The following RAPGEFL1 variants were observed in gnomAD, a reference collection of about 807,000 sequenced individuals.
RAPGEFL1 encodes the protein Rap guanine nucleotide exchange factor like 1, also known as rap guanine nucleotide exchange factor-like 1.
Under a neutral mutation model 64.4 loss-of-function variants are expected in RAPGEFL1, and 31 were observed. The ratio of observed to expected loss-of-function variants is 0.48; its 90% CI spans 0.36 to 0.65. RAPGEFL1 has a LOEUF of 0.65. Among genes scored for constraint, RAPGEFL1 ranks in the 30% least tolerant of loss-of-function variants. The probability of loss-of-function intolerance (pLI) is 0.00; values close to 1 mark genes in which losing one functional copy is unlikely to be tolerated. For synonymous variants in RAPGEFL1, 331 were observed against 274.1 expected (o/e 1.21, Z -2.05); for missense variants, 682 against 677.4 (o/e 1.01, Z -0.08).
At chr17:40,190,790 G>T (rs766439773) in intron 8 of RAPGEFL1, 28 bp downstream of exon 8, 2 of 1,611,506 alleles carry the variant, frequency 1.2e-6, no homozygotes, top group Non-Finnish European at 8.5e-7. Flanking sequence ...TGCTATGCTG[G>T]GGGGCTGGAG....
chr17:40,185,490 G>A (rs1990034613), intron 4 of RAPGEFL1, among the ~76,000 whole-genome samples: 1 of 142,064 alleles, frequency 7.0e-6, no homozygotes, highest in Admixed American at 7.4e-5. Context: ...GACCAGCCTG[G>A]CTAACATTGT....
At chr17:40,192,720 C>A (rs761593980) in intron 12 of RAPGEFL1, 27 bp downstream of exon 12, 2 of 1,587,564 alleles carry the variant, frequency 1.3e-6, no homozygotes, top group Non-Finnish European at 1.7e-6. Context: ...CAAGCTGTGC[C>A]GCTTCCACCC....
Position 40,193,914 on chromosome 17 carries a change from T to C in RAPGEFL1, c.*126T>C. 1 of 1,316,666 alleles carries C rather than the reference T, an allele frequency of 7.6e-7. No homozygotes were observed. Among genetic ancestry groups the C allele is most frequent in the Non-Finnish European group, 1.0e-6 (1 of 966,670 alleles). The allele number at this position is 1,316,666 out of a possible 1,614,324, so 81.6% of individuals were successfully genotyped here. On this transcript the variant is annotated 3_prime_UTR_variant, in exon 15 of 15. Coordinates refer to ENST00000620260, the MANE Select transcript of RAPGEFL1 (RefSeq NM_016339.6). Reference sequence around the variant, plus strand: ...AACTTCCTGCTCCACGGGAAAGAGGTCGATGGATTTACCCCTGGACCCATA... The same window carrying C: ...AACTTCCTGCTCCACGGGAAAGAGGCCGATGGATTTACCCCTGGACCCATA...
chr17:40,181,409 A>C, intron 1 of RAPGEFL1: 2 of 614,304 alleles, frequency 3.3e-6, no homozygotes, highest in Non-Finnish European at 3.0e-6. Flanking sequence ...CTGCCTTGGC[A>C]GCTGCCGAAC....
At position 40,186,493 on chromosome 17, in the gene RAPGEFL1, G is replaced by A. The variant is rs1411794612; in HGVS notation, c.833+1815G>A. On this transcript the variant is annotated intron_variant, in intron 4 of 14. Coordinates refer to ENST00000620260, the MANE Select transcript of RAPGEFL1 (RefSeq NM_016339.6). ...TGAGGCAGGAGAATGGCGTGAACCC[G>A]GGAAGCGGAGTTTGCAGTGAGCCGA... Among the ~76,000 whole-genome samples, 8 of 141,340 alleles carry A rather than the reference G, an allele frequency of 5.7e-5. No homozygotes were observed. The East Asian group carries it at 6.7e-4, about 12-fold the overall frequency. 92.7% of individuals were successfully genotyped at this position (141,340 alleles called of 152,430 possible). A position where few individuals can be genotyped will look rare whatever the true frequency, so the allele number is the denominator to read the frequency against.
chr17:40,190,907 C>A, intron 8 of RAPGEFL1, 145 bp downstream of exon 8: 1 of 1,324,630 alleles, frequency 7.5e-7, no homozygotes, highest in Non-Finnish European at 1.0e-6. Flanking sequence ...TTTGTTCCCC[C>A]ATCTGAAAAA....
chr17:40,186,574 C>CAAAAAAAAAAA (rs146110920), intron 4 of RAPGEFL1, among the ~76,000 whole-genome samples: 2 of 26,288 alleles, frequency 7.6e-5, no homozygotes, highest in African/African-American at 1.9e-4. Flanking sequence ...GACTCCGTCT[C>CAAAAAAAAAAA]AAAAAAAAAA....
Position 40,180,307 on chromosome 17 carries a change from T to TC in RAPGEFL1, c.521-1305dup, listed in dbSNP as rs1989854418. On this transcript the variant is annotated intron_variant, in intron 1 of 14. Transcript: ENST00000620260. ...CTGGTGCCACACGCTCCGCTCATTC[T>TC]CCCCTGGGGTAAGACTCCTGAAATG... is the stretch of plus-strand genomic sequence containing the variant. Among the ~76,000 whole-genome samples, 9 of 152,150 alleles carry TC rather than the reference T, an allele frequency of 5.9e-5. No individual in the cohort carries two copies. In the South Asian group the frequency reaches 1.9e-3, roughly 32 times the overall value.
chr17:40,184,568 C>G lies in RAPGEFL1; in HGVS notation c.736-13C>G, dbSNP rs577532298. Reference sequence around the variant, plus strand: ...GACCCCTTCCTTCACCTTCTTTGTCCTCCTCTCTCCAGGATCTATACCTGC... The same window carrying G: ...GACCCCTTCCTTCACCTTCTTTGTCGTCCTCTCTCCAGGATCTATACCTGC... On this transcript the variant is annotated splice_polypyrimidine_tract_variant and intron_variant, in intron 3 of 14. Transcript: ENST00000620260. 1.9e-5 allele frequency: 28 copies of G among 1,469,860 alleles called. No homozygotes were observed. The South Asian group carries it at 3.1e-4, about 16-fold the overall frequency. 91.1% of individuals were successfully genotyped at this position (1,469,860 alleles called of 1,614,324 possible).
chr17:40,189,140 T>C (rs568870515), intron 5 of RAPGEFL1, 68 bp from the exon 6 acceptor site: 3 of 1,554,884 alleles, frequency 1.9e-6, no homozygotes, highest in Non-Finnish European at 2.7e-6. Context: ...AGAGGCACCC[T>C]GGAGGAGACT....
chr17:40,188,320 C>A (rs1158266246), intron 4 of RAPGEFL1, among the ~76,000 whole-genome samples: 4 of 152,302 alleles, frequency 2.6e-5, no homozygotes, highest in African/African-American at 7.2e-5. Context: ...CTTCTTCCCC[C>A]ACACCAGCAT....
chr17:40,177,188 T>A (rs1269442138), upstream of RAPGEFL1: 1 of 702,576 alleles, frequency 1.4e-6, no homozygotes, highest in Non-Finnish European at 2.6e-6. Context: ...GGTACACAGG[T>A]AGGTGAGTGA....
intron 6 of RAPGEFL1, 56 bp downstream of exon 6, chr17:40,189,431 G>C (rs1990186283): frequency 1.3e-6 from 2 of 1,581,408 alleles, no homozygotes; most frequent in Admixed American, 1.7e-5. Context: ...CACAAGCTCA[G>C]GGCTCTGGGG....
At position 40,192,945 on chromosome 17, in the gene RAPGEFL1, A is replaced by G. The variant is rs773026951; in HGVS notation, c.1764A>G (p.Glu588=). The G allele has an allele frequency of 6.2e-7, 1 of 1,613,920 alleles. No individual in the cohort carries two copies. Among genetic ancestry groups the G allele is most frequent in the Non-Finnish European group, 8.5e-7 (1 of 1,179,826 alleles). The change falls in exon 13 of 15, where the codon GAA becomes GAG. Residue 588 remains glutamate (E), a synonymous_variant. Coordinates refer to ENST00000620260, the MANE Select transcript of RAPGEFL1 (RefSeq NM_016339.6). ...CCCTAGACCTGACTTTCCTGCACGA[A>G]GGGAGTAAGACCCTTGTAGATGGTT... is the stretch of plus-strand genomic sequence containing the variant. ...LILKDLTFLH[E]GSKTLVDGLV... is the part of the protein sequence containing the mutation.
Position 40,191,821 on chromosome 17 carries a change from C to T in RAPGEFL1, c.1605+149C>T. ...TTCTGGCATACGCAACCCCAGGGCG[C>T]ACAGCTTGGCTAATGGACCCTGTCT... On this transcript the variant is annotated intron_variant, in intron 10 of 14. Transcript: ENST00000620260. This position sits in a 1 kb window ranked among gnomAD's most constrained non-coding sequence, Gnocchi z 5.1. 1.3e-6 allele frequency: 1 copy of T among 777,596 alleles called. No homozygotes were observed. Among genetic ancestry groups the T allele is most frequent in the Non-Finnish European group, 2.1e-6 (1 of 474,940 alleles). The allele number at this position is 777,596 out of a possible 1,614,324, so 48.2% of individuals were successfully genotyped here.
In RAPGEFL1 at chr17:40,182,869, C is replaced by T. The variant is rs370048858; in HGVS notation, c.599+1175C>T. On this transcript the variant is annotated intron_variant, in intron 2 of 14. Coordinates refer to ENST00000620260, the MANE Select transcript of RAPGEFL1 (RefSeq NM_016339.6). The stretch of plus-strand genomic sequence containing the variant: ...GAGTAGAATGTTACAGGCTCCCAGC[C>T]AGGCACGGTGGCATATGACTTTAAT... 9.9e-5 allele frequency among the ~76,000 whole-genome samples: 15 copies of T among 152,258 alleles called. No individual in the cohort carries two copies. In the South Asian group the frequency reaches 2.9e-3, roughly 29 times the overall value.
intron 1 of RAPGEFL1, among the ~76,000 whole-genome samples, chr17:40,180,183 G>A (rs2032128139): frequency 6.6e-6 from 1 of 152,154 alleles, no homozygotes; most frequent in Non-Finnish European, 1.5e-5. Flanking sequence ...CTGAAGCTGG[G>A]GGTCAGAGCT....
intron 4 of RAPGEFL1, among the ~76,000 whole-genome samples, chr17:40,186,517 G>C (rs1209796893): frequency 1.4e-5 from 2 of 140,944 alleles, no homozygotes; most frequent in African/African-American, 5.2e-5. Flanking sequence ...GCAGTGAGCC[G>C]AGATTGCGCC....
chr17:40,179,053 C>T lies in RAPGEFL1; in HGVS notation c.520+672C>T, dbSNP rs574734943. Among the ~76,000 whole-genome samples, 12 of 151,366 alleles carry T rather than the reference C, an allele frequency of 7.9e-5. 1 individual carries two copies. The East Asian group carries it at 2.3e-3, about 29-fold the overall frequency. On this transcript the variant is annotated intron_variant, in intron 1 of 14. Transcript: ENST00000620260. ...CCAGCTTCCACCCTTCGGTGGCAGG[C>T]CTCAGCACCCGGCTTTTTTTTTTTT...
Sources: gnomAD v4.1 joint callset for allele counts (sites outside exome capture counted in the v4.1 genomes callset) on GRCh38, gnomAD v4.1.1 for gene constraint, Gnocchi (gnomAD v3.1) non-coding constraint, MANE v1.5 for transcripts, NCBI Gene and HGNC (gene_info 2026-07-23, HGNC 2026-07-21) for gene names.